Variants in PPP1R9A observed in about 807,000 individuals in gnomAD.
PPP1R9A encodes the protein neurabin-1.
In PPP1R9A, 59 loss-of-function variants were observed where a neutral mutation model predicts 141.9. The ratio of observed to expected loss-of-function variants is 0.42; its 90% CI spans 0.34 to 0.52. The LOEUF is 0.52. Among genes scored for constraint, PPP1R9A ranks in the 20% least tolerant of loss-of-function variants. PPP1R9A has a pLI of 0.10. For missense variants in PPP1R9A, 1,444 were observed against 1,611.9 expected, an observed-to-expected ratio of 0.90 and a Z score of 1.78; for synonymous variants, 500 against 569.7, an observed-to-expected ratio of 0.88 and a Z score of 1.74.
intron 2 of PPP1R9A, among the ~76,000 whole-genome samples, chr7:94,951,465 T>C (rs750102144): frequency 2.0e-5 from 3 of 152,132 alleles, no homozygotes; most frequent in African/African-American, 7.2e-5. Context: ...TTGAGTTTCA[T>C]TGAACTTTTA....
At chr7:95,088,148 C>T (rs1249326831) in intron 2 of PPP1R9A, among the ~76,000 whole-genome samples, 2 of 151,958 alleles carry the variant, frequency 1.3e-5, no homozygotes, top group Admixed American at 1.3e-4. Context: ...GCTCTTTAAT[C>T]AGAGTAGAAT....
At chr7:95,014,913 G>A (rs535187939) in intron 2 of PPP1R9A, among the ~76,000 whole-genome samples, 15 of 151,968 alleles carry the variant, frequency 9.9e-5, no homozygotes, top group East Asian at 5.8e-4. Context: ...TGTTTTGCTC[G>A]AATTATCCCA....
Position 94,911,162 on chromosome 7 carries a change from A to G in PPP1R9A, c.1049A>G (p.Asn350Ser), listed in dbSNP as rs200918411. The change falls in exon 2 of 20, where the codon AAT (asparagine) becomes AGT (serine). Residue 350 changes from asparagine to serine, a missense_variant. Around this residue, in one of 5 missense-constraint regions of PPP1R9A, gnomAD observed 490 missense variants for 521.1 expected, o/e 0.94. Transcript: ENST00000433360. ...QSQLLEDAEA[N>S]LVGREAAKQQ... ...CAACTGTTAGAAGATGCTGAAGCTA[A>G]TTTGGTTGGAAGGGAGGCAGCAAAG... 5 of 1,614,164 alleles carry G rather than the reference A, an allele frequency of 3.1e-6. No individual in the cohort carries two copies. In the East Asian group the frequency reaches 1.1e-4, roughly 36 times the overall value.
At chr7:95,043,972 A>G (rs1210278139) in intron 2 of PPP1R9A, among the ~76,000 whole-genome samples, 1 of 152,236 alleles carries the variant, frequency 6.6e-6, no homozygotes. Flanking sequence ...AATATCAGAA[A>G]TAAGATTAGT....
At chr7:95,264,555 T>C (rs1800961269) in intron 12 of PPP1R9A, among the ~76,000 whole-genome samples, 1 of 152,224 alleles carries the variant, frequency 6.6e-6, no homozygotes, top group Admixed American at 6.5e-5. Flanking sequence ...GCTAAAATCA[T>C]CAAATCCATT....
chr7:95,084,806 G>C (rs1816383474), intron 2 of PPP1R9A, among the ~76,000 whole-genome samples: 1 of 151,964 alleles, frequency 6.6e-6, no homozygotes, highest in Non-Finnish European at 1.5e-5. Context: ...TACAGAATTT[G>C]TAATCATTTT....
Position 95,030,516 on chromosome 7 carries a change from C to G in PPP1R9A, c.1396-80743C>G, listed in dbSNP as rs17166583. Reference sequence around the variant, plus strand: ...TTTTAATTTTTTTTTTAATTTTGCACAGATTGAGATCAGGGAAAGAGACTG... The same window carrying G: ...TTTTAATTTTTTTTTTAATTTTGCAGAGATTGAGATCAGGGAAAGAGACTG... On this transcript the variant is annotated intron_variant, in intron 2 of 19. Transcript: ENST00000433360. Among the ~76,000 whole-genome samples, 593 of 151,924 alleles carry G rather than the reference C, an allele frequency of 3.9e-3. 24 individuals are homozygous for G. Among genetic ancestry groups the G allele is most frequent in the East Asian group, 0.036 (185 of 5,162 alleles).
chr7:94,977,910 G>A (rs1020163686), intron 2 of PPP1R9A, among the ~76,000 whole-genome samples: 3 of 151,800 alleles, frequency 2.0e-5, no homozygotes, highest in Non-Finnish European at 2.9e-5. Context: ...CTACAGGCAC[G>A]TGCCACCATG....
At chr7:95,019,499 A>G (rs965728102) in intron 2 of PPP1R9A, among the ~76,000 whole-genome samples, 4 of 152,232 alleles carry the variant, frequency 2.6e-5, no homozygotes, top group African/African-American at 7.2e-5. Context: ...TTTCCAAAAC[A>G]TATATCAGAC....
chr7:95,114,875 C>A (rs1821199259), intron 3 of PPP1R9A, among the ~76,000 whole-genome samples: 2 of 130,196 alleles, frequency 1.5e-5, no homozygotes, highest in Admixed American at 8.0e-5. Context: ...AAGGATTAAA[C>A]TTAAAAAGTC....
At chr7:95,257,262 C>A (rs1799717205) in intron 12 of PPP1R9A, among the ~76,000 whole-genome samples, 1 of 152,154 alleles carries the variant, frequency 6.6e-6, no homozygotes, top group Non-Finnish European at 1.5e-5. Context: ...GTCTAATATG[C>A]AGAATACAGA....
Position 94,911,072 on chromosome 7 carries a change from G to GT in PPP1R9A, c.960dup (p.Pro321SerfsTer2). The GT allele has an allele frequency of 6.2e-7, 1 of 1,614,126 alleles. No homozygotes were observed. Among genetic ancestry groups the GT allele is most frequent in the South Asian group, 1.1e-5 (1 of 91,080 alleles). On this transcript the variant is annotated frameshift_variant, in exon 2 of 20. Transcript: ENST00000433360. LOFTEE classifies it high-confidence loss of function. ...ACTCCCGACAGCATTGACAAAGATGGTCCTGAAGAACCTTGTGCTGAAAGT... is the reference window on the plus strand; with the variant it reads ...ACTCCCGACAGCATTGACAAAGATGGTTCCTGAAGAACCTTGTGCTGAAAGT...
intron 2 of PPP1R9A, among the ~76,000 whole-genome samples, chr7:95,080,827 A>C (rs1047675041): frequency 3.9e-5 from 6 of 152,228 alleles, no homozygotes; most frequent in African/African-American, 1.4e-4. Flanking sequence ...GGTTTCCTAC[A>C]GAACGAAGTA....
intron 2 of PPP1R9A, among the ~76,000 whole-genome samples, chr7:95,090,828 A>G (rs1452827146): frequency 5.9e-5 from 9 of 152,026 alleles, no homozygotes; most frequent in Admixed American, 5.9e-4. Context: ...AAAGAAAAAA[A>G]TCATTCATAA....
At chr7:94,998,723 G>A (rs1028947428) in intron 2 of PPP1R9A, among the ~76,000 whole-genome samples, 11 of 152,114 alleles carry the variant, frequency 7.2e-5, no homozygotes, top group South Asian at 2.1e-4. Flanking sequence ...CTGCTTATCC[G>A]TTTTACAAAA....
intron 4 of PPP1R9A, among the ~76,000 whole-genome samples, chr7:95,145,821 G>A (rs921477622): frequency 2.0e-5 from 3 of 152,156 alleles, no homozygotes; most frequent in East Asian, 3.8e-4. Flanking sequence ...CCCTGCAAAG[G>A]ACATTAACTC....
chr7:95,119,498 A>G (rs1209819961), intron 3 of PPP1R9A, among the ~76,000 whole-genome samples: 3 of 152,164 alleles, frequency 2.0e-5, no homozygotes, highest in South Asian at 2.1e-4. Flanking sequence ...AGTGTTGCCC[A>G]TGGTGGAGCA....
At chr7:95,203,922 G>A (rs958803818) in intron 7 of PPP1R9A, among the ~76,000 whole-genome samples, 192 bp downstream of exon 7, 6 of 152,028 alleles carry the variant, frequency 3.9e-5, no homozygotes, top group Non-Finnish European at 7.4e-5. Context: ...ATATATTTTA[G>A]GTATAGGTTC....
chr7:95,268,882 T>C (rs1176683717), intron 13 of PPP1R9A, among the ~76,000 whole-genome samples, 175 bp downstream of exon 13: 3 of 152,226 alleles, frequency 2.0e-5, no homozygotes, highest in Admixed American at 6.5e-5. Flanking sequence ...TTCAAAATAT[T>C]TTGTCTATTC....
Sources: gnomAD v4.1 joint callset for allele counts (sites outside exome capture counted in the v4.1 genomes callset) on GRCh38, gnomAD v4.1.1 for gene constraint, gnomAD v4.1.1 regional missense constraint, MANE v1.5 for transcripts, NCBI Gene and HGNC (gene_info 2026-07-23, HGNC 2026-07-21) for gene names.